The following RARB variants were observed in gnomAD, a reference collection of about 807,000 sequenced individuals.
The protein encoded by RARB is HBV-activated protein.
A neutral mutation model predicts 51.9 loss-of-function variants in RARB; 17 were observed. The observed-to-expected ratio is 0.33, with a 90% CI of 0.22 to 0.49. RARB has a LOEUF of 0.49. Ranked by LOEUF, RARB falls within the 20% of genes least tolerant of loss-of-function variation. RARB has a pLI of 0.99. For missense variants in RARB, 369 were observed against 550.8 expected (o/e 0.67, Z 3.30); for synonymous variants, 215 against 195.4 (o/e 1.10, Z -0.84).
At chr3:24,890,436 G>T (rs554365520) in intron 2 of RARB, among the ~76,000 whole-genome samples, 13 of 152,110 alleles carry the variant, frequency 8.5e-5, no homozygotes, top group African/African-American at 2.9e-4. Context: ...CTTATTTCAC[G>T]AGCGGCACCG....
chr3:25,020,799 T>G (rs1292115283), intron 2 of RARB, among the ~76,000 whole-genome samples: 2 of 152,070 alleles, frequency 1.3e-5, no homozygotes, highest in Admixed American at 1.3e-4. Flanking sequence ...ATTTAAAATA[T>G]TTTAGATTTT....
intron 5 of RARB, among the ~76,000 whole-genome samples, chr3:25,200,418 T>C (rs896975694): frequency 1.1e-3 from 171 of 152,260 alleles, no homozygotes; most frequent in Middle Eastern, 3.4e-3. Context: ...TGGTAGTTTC[T>C]TTTGCTGTGC....
intron 5 of RARB, among the ~76,000 whole-genome samples, chr3:25,361,035 G>A (rs569859342): frequency 7.9e-5 from 12 of 152,130 alleles, no homozygotes; most frequent in Non-Finnish European, 1.6e-4. Context: ...ACCTTGCTGG[G>A]TTGGGGAAGT....
intron 5 of RARB, among the ~76,000 whole-genome samples, chr3:25,323,297 G>A (rs1704624261): frequency 6.6e-6 from 1 of 152,200 alleles, no homozygotes; most frequent in South Asian, 2.1e-4. Context: ...GGGAGGAATG[G>A]CACAGCCACA....
intron 2 of RARB, among the ~76,000 whole-genome samples, chr3:24,958,185 C>T (rs1575091272): frequency 7.0e-6 from 1 of 143,224 alleles, no homozygotes; most frequent in Non-Finnish European, 1.5e-5. Context: ...AACAGGGAGG[C>T]ATTCAACTGT....
intron 2 of RARB, among the ~76,000 whole-genome samples, chr3:25,487,061 C>T (rs896150025): frequency 3.9e-5 from 6 of 152,116 alleles, no homozygotes; most frequent in Admixed American, 3.3e-4. Context: ...TGCTCAGTCA[C>T]ACACTTTCTC....
chr3:24,867,526 G>C (rs1316553857), intron 2 of RARB, among the ~76,000 whole-genome samples: 3 of 152,144 alleles, frequency 2.0e-5, no homozygotes, highest in African/African-American at 7.2e-5. Flanking sequence ...TGTTCATATA[G>C]TTGTCTCAGA....
At chr3:25,357,989 A>G (rs1430844814) in intron 5 of RARB, among the ~76,000 whole-genome samples, 1 of 152,172 alleles carries the variant, frequency 6.6e-6, no homozygotes, top group Non-Finnish European at 1.5e-5. Flanking sequence ...TTGGCTATAC[A>G]GGCTCCTTTT....
At chr3:25,129,909 C>T (rs985045551) in intron 3 of RARB, among the ~76,000 whole-genome samples, 1 of 151,938 alleles carries the variant, frequency 6.6e-6, no homozygotes. Context: ...TTTATTTTTA[C>T]AGGATTTCAT....
intron 1 of RARB, among the ~76,000 whole-genome samples, chr3:25,433,932 T>C (rs1463808402): frequency 6.6e-6 from 1 of 152,228 alleles, no homozygotes; most frequent in Non-Finnish European, 1.5e-5. Context: ...CATTTTGTCT[T>C]GAGCTTTCAG....
chr3:24,855,835 T>C (rs938056145), intron 1 of RARB, among the ~76,000 whole-genome samples: 7 of 144,536 alleles, frequency 4.8e-5, no homozygotes, highest in Non-Finnish European at 7.4e-5. Context: ...CACTGCAAGC[T>C]CCGCGTCCCG....
intron 4 of RARB, among the ~76,000 whole-genome samples, chr3:25,570,504 G>A (rs1700667439): frequency 6.6e-6 from 1 of 152,204 alleles, no homozygotes; most frequent in South Asian, 2.1e-4. Context: ...CCAGTTGAGT[G>A]AATGTTCCCC....
At chr3:25,265,209 C>T (rs987359989) in intron 5 of RARB, among the ~76,000 whole-genome samples, 52 of 152,040 alleles carry the variant, frequency 3.4e-4, no homozygotes, top group Admixed American at 1.3e-4. Flanking sequence ...ACAATAGAGG[C>T]CACTCAAGCT....
rs140683168 is a variant in RARB at position 25,395,583 on chromosome 3, G to C, written c.179-65610G>C. Among the ~76,000 whole-genome samples the C allele has an allele frequency of 2.2e-4, 33 of 151,896 alleles. 1 individual carries two copies. The highest frequency in any genetic ancestry group is 7.3e-4 in the African/African-American group (30 of 41,366). On this transcript the variant is annotated intron_variant, in intron 5 of 11. Transcript: ENST00000383772. ...TAACATAATCCTACATTTCTTGGAG[G>C]CTTTATTCATTTTTTAAATTCTTTT...
chr3:25,132,530 C>G (rs1040322695), intron 4 of RARB, among the ~76,000 whole-genome samples: 1 of 151,768 alleles, frequency 6.6e-6, no homozygotes, highest in Non-Finnish European at 1.5e-5. Flanking sequence ...AAGATGCGTT[C>G]CCTGTATTAT....
chr3:25,239,314 C>T (rs1001244727), intron 5 of RARB, among the ~76,000 whole-genome samples: 8 of 151,990 alleles, frequency 5.3e-5, no homozygotes, highest in Admixed American at 2.6e-4. Context: ...AATATAGTAC[C>T]GTTTGTTGAT....
At chr3:24,902,961 C>A (rs974071468) in intron 2 of RARB, among the ~76,000 whole-genome samples, 2 of 151,938 alleles carry the variant, frequency 1.3e-5, no homozygotes, top group Non-Finnish European at 2.9e-5. Context: ...CTAATTTTTT[C>A]AAACCTTTCA....
intron 2 of RARB, among the ~76,000 whole-genome samples, chr3:25,496,275 G>C (rs1013800194): frequency 6.6e-6 from 1 of 152,162 alleles, no homozygotes; most frequent in African/African-American, 2.4e-5. Context: ...CAATTTATTA[G>C]GTGTTGAAAA....
chr3:25,245,630 C>A (rs534648919), intron 5 of RARB, among the ~76,000 whole-genome samples: 1 of 152,162 alleles, frequency 6.6e-6, no homozygotes, highest in South Asian at 2.1e-4. Flanking sequence ...GAATATTGGC[C>A]CCCACTCTCT....
Sources: gnomAD v4.1 joint callset for allele counts (sites outside exome capture counted in the v4.1 genomes callset) on GRCh38, gnomAD v4.1.1 for gene constraint, MANE v1.5 for transcripts, NCBI Gene and HGNC (gene_info 2026-07-23, HGNC 2026-07-21) for gene names.